Variants in MARCHF1 observed in about 807,000 individuals in gnomAD.
The protein encoded by MARCHF1 is E3 ubiquitin-protein ligase MARCHF1.
Under a neutral mutation model 54.2 loss-of-function variants are expected in MARCHF1, and 40 were observed. The observed-to-expected ratio is 0.74, with a 90% CI of 0.57 to 0.96. MARCHF1 has a LOEUF of 0.96. MARCHF1 is among the 40% of genes least tolerant of loss of function. MARCHF1 has a pLI of 0.00. For synonymous variants in MARCHF1, 236 were observed against 236.3 expected (o/e 1.00, Z 0.01); for missense variants, 586 against 656.5 (o/e 0.89, Z 1.17).
At chr4:164,212,849 A>G (rs1579627912) in intron 1 of MARCHF1, among the ~76,000 whole-genome samples, 1 of 152,164 alleles carries the variant, frequency 6.6e-6, no homozygotes, top group Non-Finnish European at 1.5e-5. Flanking sequence ...GAGGCCCACC[A>G]AGGTATTGTG....
intron 3 of MARCHF1, among the ~76,000 whole-genome samples, chr4:163,883,005 T>G (rs934781346): frequency 1.3e-5 from 2 of 152,014 alleles, no homozygotes; most frequent in Admixed American, 6.6e-5. Flanking sequence ...ATACATGTGG[T>G]TTTACATTTC....
chr4:163,553,028 G>T (rs1348084268), intron 8 of MARCHF1, among the ~76,000 whole-genome samples: 1 of 79,050 alleles, frequency 1.3e-5, no homozygotes. Context: ...GCGAGACTCC[G>T]TCTCAAAAAA....
intron 1 of MARCHF1, among the ~76,000 whole-genome samples, chr4:164,113,134 G>T (rs1579545653): frequency 6.6e-6 from 1 of 151,684 alleles, no homozygotes; most frequent in East Asian, 1.9e-4. Flanking sequence ...TATTTCAATG[G>T]ACTTTATTTT....
intron 3 of MARCHF1, among the ~76,000 whole-genome samples, chr4:163,940,246 T>G (rs1431796504): frequency 6.6e-6 from 1 of 152,134 alleles, no homozygotes; most frequent in Non-Finnish European, 1.5e-5. Context: ...TGATGTTCTA[T>G]TATATAATGG....
At chr4:163,640,124 A>T (rs534677625) in intron 5 of MARCHF1, among the ~76,000 whole-genome samples, 3 of 152,266 alleles carry the variant, frequency 2.0e-5, no homozygotes, top group South Asian at 4.1e-4. Flanking sequence ...TTAGATGATT[A>T]CACATTAAAA....
intron 1 of MARCHF1, among the ~76,000 whole-genome samples, chr4:164,193,060 T>C (rs1731162798): frequency 1.3e-5 from 2 of 152,166 alleles, no homozygotes. Context: ...ACTCTGCTTA[T>C]TTTTAGGAAA....
rs190227475 is a variant in MARCHF1, at chr4:163,916,261, C to G, written c.-38-62092G>C. On this transcript the variant is annotated intron_variant, in intron 3 of 9. Coordinates refer to ENST00000514618, the MANE Select transcript of MARCHF1 (RefSeq NM_001394959.1). ...TCCCTCAGTCTTTCGAAAGAGGGAT[C>G]TCCACAATTTATTACACAGCTAATA... Among the ~76,000 whole-genome samples, 4 of 152,270 alleles carry G rather than the reference C, an allele frequency of 2.6e-5. No individual in the cohort carries two copies. In the East Asian group the frequency reaches 7.7e-4, roughly 29 times the overall value.
chr4:163,830,337 GAT>G (rs1748983033), intron 4 of MARCHF1, among the ~76,000 whole-genome samples: 1 of 151,010 alleles, frequency 6.6e-6, no homozygotes, highest in Non-Finnish European at 1.5e-5. Context: ...ATATATTAAA[GAT>G]ATATGCACGT....
At chr4:164,325,396 T>C (rs2110779287) in intron 1 of MARCHF1, among the ~76,000 whole-genome samples, 1 of 150,384 alleles carries the variant, frequency 6.6e-6, no homozygotes, top group Middle Eastern at 3.4e-3. Context: ...GATAGTCCAA[T>C]ACAGCTTTTT....
intron 2 of MARCHF1, among the ~76,000 whole-genome samples, chr4:164,054,972 A>G (rs1022550747): frequency 2.6e-5 from 4 of 152,176 alleles, no homozygotes; most frequent in African/African-American, 9.7e-5. Context: ...ACTGTCATGT[A>G]ATATGAAAGT....
chr4:164,196,419 A>G lies in MARCHF1; in HGVS notation c.-322-84757T>C, dbSNP rs181346838. On this transcript the variant is annotated intron_variant, in intron 1 of 9. Coordinates refer to ENST00000514618, the MANE Select transcript of MARCHF1 (RefSeq NM_001394959.1). The stretch of plus-strand genomic sequence containing the variant: ...TGTTTTAATAAATAAAATCAAGTAT[A>G]AAGTGCATTATTATTTTTCCAAAAA... 1.1e-3 allele frequency among the ~76,000 whole-genome samples: 166 copies of G among 145,970 alleles called. 3 individuals are homozygous for G. In the East Asian group the frequency reaches 0.03, roughly 26 times the overall value.
At position 163,871,467 on chromosome 4, in the gene MARCHF1, C is replaced by A. The variant is rs182408347; in HGVS notation, c.-38-17298G>T. ...AAACTCTACTTACTAAGTACCCCCCCACTAAGGGTGCTGTGTGGGGTTCAC... is the reference window on the plus strand; with the variant it reads ...AAACTCTACTTACTAAGTACCCCCCAACTAAGGGTGCTGTGTGGGGTTCAC... On this transcript the variant is annotated intron_variant, in intron 3 of 9. Transcript: ENST00000514618. 1.3e-3 allele frequency among the ~76,000 whole-genome samples: 200 copies of A among 152,278 alleles called. 1 individual carries two copies. Among genetic ancestry groups the A allele is most frequent in the Non-Finnish European group, 2.2e-3 (151 of 68,018 alleles).
intron 7 of MARCHF1, among the ~76,000 whole-genome samples, chr4:163,598,383 T>C (rs1020002196): frequency 1.3e-5 from 2 of 152,232 alleles, no homozygotes; most frequent in African/African-American, 4.8e-5. Flanking sequence ...AGTCACGCCA[T>C]GCGTCCCTTA....
intron 1 of MARCHF1, among the ~76,000 whole-genome samples, chr4:164,198,206 A>C (rs903145048): frequency 8.5e-5 from 13 of 152,118 alleles, no homozygotes; most frequent in African/African-American, 3.1e-4. Context: ...AATGCCAAAA[A>C]CATCCTGTAA....
At chr4:163,864,478 C>T (rs1397889371) in intron 3 of MARCHF1, among the ~76,000 whole-genome samples, 1 of 151,906 alleles carries the variant, frequency 6.6e-6, no homozygotes, top group Non-Finnish European at 1.5e-5. Context: ...AAATGTAATG[C>T]AGCCTGCATG....
intron 4 of MARCHF1, among the ~76,000 whole-genome samples, chr4:163,851,961 T>C (rs528670161): frequency 5.9e-5 from 9 of 152,308 alleles, no homozygotes; most frequent in Admixed American, 5.9e-4. Context: ...ATCTCTTATT[T>C]TATATGTTAA....
At chr4:163,550,083 C>T (rs1017920232) in intron 8 of MARCHF1, among the ~76,000 whole-genome samples, 6 of 152,002 alleles carry the variant, frequency 3.9e-5, no homozygotes, top group African/African-American at 1.4e-4. Flanking sequence ...AGGAGTTCGC[C>T]ACCAACCTGG....
intron 1 of MARCHF1, among the ~76,000 whole-genome samples, chr4:164,276,984 AAT>A (rs1733903993): frequency 6.7e-6 from 1 of 149,388 alleles, no homozygotes; most frequent in East Asian, 2.0e-4. Context: ...AGAGAGAGAA[AAT>A]ATATGAGGGA....
chr4:163,766,925 T>A (rs2110849746), intron 4 of MARCHF1, among the ~76,000 whole-genome samples: 1 of 152,242 alleles, frequency 6.6e-6, no homozygotes, highest in Non-Finnish European at 1.5e-5. Flanking sequence ...TCCTCAGATT[T>A]TTAAACATTA....
Sources: gnomAD v4.1 joint callset for allele counts (sites outside exome capture counted in the v4.1 genomes callset) on GRCh38, gnomAD v4.1.1 for gene constraint, MANE v1.5 for transcripts, NCBI Gene and HGNC (gene_info 2026-07-23, HGNC 2026-07-21) for gene names.